PTPN4: variants seen among roughly 807,000 people sequenced by gnomAD.
PTPN4 encodes the protein tyrosine-protein phosphatase non-receptor type 4.
Under a neutral mutation model 135.5 loss-of-function variants are expected in PTPN4, and 49 were observed. The ratio of observed to expected loss-of-function variants is 0.36; its 90% CI spans 0.29 to 0.46. The LOEUF is 0.46. Ranked by LOEUF, PTPN4 falls within the 20% of genes least tolerant of loss-of-function variation. The pLI, the probability that PTPN4 is intolerant of heterozygous loss-of-function variation, is 1.00. For synonymous variants in PTPN4, 333 were observed against 369.9 expected, an observed-to-expected ratio of 0.90 and a Z score of 1.14; for missense variants, 860 against 1,101.0, an observed-to-expected ratio of 0.78 and a Z score of 3.10.
intron 2 of PTPN4, among the ~76,000 whole-genome samples, chr2:119,831,733 A>G (rs1054055717): frequency 2.0e-5 from 3 of 152,164 alleles, no homozygotes; most frequent in African/African-American, 7.2e-5. Flanking sequence ...CAATCTACCT[A>G]TATCATTATA....
chr2:119,969,823 G>T (rs527695279), intron 26 of PTPN4, among the ~76,000 whole-genome samples: 21 of 152,160 alleles, frequency 1.4e-4, no homozygotes, highest in African/African-American at 4.8e-4. Flanking sequence ...CTTCCAAAGT[G>T]CTGGGATTAC....
At chr2:119,854,443 A>G (rs1469663066) in intron 2 of PTPN4, among the ~76,000 whole-genome samples, 1 of 152,164 alleles carries the variant, frequency 6.6e-6, no homozygotes, top group African/African-American at 2.4e-5. Flanking sequence ...AACTCCCGTA[A>G]TATTCCCCCC....
chr2:119,877,591 A>G lies in PTPN4; in HGVS notation c.368+49A>G, dbSNP rs562498773. 1.1e-4 allele frequency: 171 copies of G among 1,546,608 alleles called. No individual in the cohort carries two copies. In the South Asian group the frequency reaches 2.1e-3, roughly 19 times the overall value. Reference sequence around the variant, plus strand: ...TTGAAAATATTGTCAAAACTCTAATATGAAATTTTGAAATTAATTAGGCAA... The same window carrying G: ...TTGAAAATATTGTCAAAACTCTAATGTGAAATTTTGAAATTAATTAGGCAA... On this transcript the variant is annotated intron_variant, in intron 5 of 26. Transcript: ENST00000263708.
chr2:119,846,868 T>C (rs1163171821), intron 2 of PTPN4, among the ~76,000 whole-genome samples: 2 of 151,260 alleles, frequency 1.3e-5, no homozygotes, highest in Admixed American at 6.6e-5. Context: ...GAAATGTTAC[T>C]TTATATAGCT....
chr2:119,801,321 C>T (rs1011289831), intron 1 of PTPN4, among the ~76,000 whole-genome samples: 3 of 152,178 alleles, frequency 2.0e-5, no homozygotes, highest in African/African-American at 7.2e-5. Flanking sequence ...CTCCTGGCCT[C>T]AAGTGTTCTG....
chr2:119,913,125 C>T (rs1678598331), intron 10 of PTPN4, among the ~76,000 whole-genome samples: 1 of 152,074 alleles, frequency 6.6e-6, no homozygotes, highest in Non-Finnish European at 1.5e-5. Context: ...ATAACCAGTT[C>T]ACCAGTTTTT....
chr2:119,766,477 TG>T, intron 1 of PTPN4, among the ~76,000 whole-genome samples: 1 of 124,536 alleles, frequency 8.0e-6, no homozygotes, highest in African/African-American at 4.0e-5. Context: ...TGTGTGTGTG[TG>T]TGTGTCTGTG....
intron 1 of PTPN4, among the ~76,000 whole-genome samples, chr2:119,795,353 G>C (rs1691233630): frequency 6.6e-6 from 1 of 152,224 alleles, no homozygotes; most frequent in South Asian, 2.1e-4. Context: ...CCTGACTCCT[G>C]CCACCGTTCA....
At chr2:119,765,754 T>C (rs967490075) in intron 1 of PTPN4, among the ~76,000 whole-genome samples, 3 of 152,188 alleles carry the variant, frequency 2.0e-5, no homozygotes, top group Non-Finnish European at 2.9e-5. Flanking sequence ...GAATATGGTC[T>C]TGGAGGATCA....
intron 3 of PTPN4, among the ~76,000 whole-genome samples, chr2:119,876,544 A>T (rs1170368823): frequency 1.3e-5 from 2 of 152,104 alleles, no homozygotes; most frequent in Non-Finnish European, 2.9e-5. Flanking sequence ...ATAAATAATG[A>T]TACATAAACT....
At chr2:119,907,937 T>TA (rs1413098019) in intron 10 of PTPN4, among the ~76,000 whole-genome samples, 1 of 152,066 alleles carries the variant, frequency 6.6e-6, no homozygotes, top group African/African-American at 2.4e-5. Context: ...TCTCAGTATA[T>TA]AAAAAATCAG....
chr2:119,822,680 G>A (rs908214079), intron 2 of PTPN4, among the ~76,000 whole-genome samples: 2 of 152,034 alleles, frequency 1.3e-5, no homozygotes, highest in Non-Finnish European at 2.9e-5. Context: ...CTCTTTAGCC[G>A]ATATCTTCTC....
chr2:119,883,601 A>G (rs1404158036), intron 8 of PTPN4, among the ~76,000 whole-genome samples: 1 of 152,226 alleles, frequency 6.6e-6, no homozygotes, highest in Admixed American at 6.5e-5. Flanking sequence ...AGTGTTGCGT[A>G]TTGGCTAAGA....
chr2:119,851,504 T>C (rs1677590756), intron 2 of PTPN4, among the ~76,000 whole-genome samples: 2 of 152,206 alleles, frequency 1.3e-5, no homozygotes, highest in South Asian at 2.1e-4. Flanking sequence ...CATGATTCTT[T>C]CCTTACGGTG....
chr2:119,861,855 ATAGAAT>A (rs2104987376), intron 2 of PTPN4, among the ~76,000 whole-genome samples: 2 of 152,286 alleles, frequency 1.3e-5, no homozygotes, highest in South Asian at 4.1e-4. Context: ...TGCCTACATG[ATAGAAT>A]TAGTATGAGG....
intron 9 of PTPN4, 69 bp from the exon 10 acceptor site, chr2:119,900,649 T>C: frequency 1.0e-6 from 1 of 1,000,150 alleles, no homozygotes; most frequent in Non-Finnish European, 1.4e-6. Context: ...AGAATCCTAT[T>C]TTTAAAATAT....
chr2:119,972,258 A>T (rs1341285330), intron 26 of PTPN4, among the ~76,000 whole-genome samples: 4 of 151,818 alleles, frequency 2.6e-5, no homozygotes, highest in Non-Finnish European at 5.9e-5. Context: ...CATAATAGTG[A>T]TATCACATCT....
At chr2:119,897,007 G>A (rs747374699) in intron 9 of PTPN4, among the ~76,000 whole-genome samples, 3 of 152,080 alleles carry the variant, frequency 2.0e-5, no homozygotes, top group Admixed American at 6.6e-5. Flanking sequence ...TGCAACCTTC[G>A]CCTCCTGGGT....
rs567799682 is a variant in PTPN4 at position 119,781,249 on chromosome 2, T to C, written c.-18+20865T>C. Among the ~76,000 whole-genome samples the C allele has an allele frequency of 1.1e-3, 169 of 152,278 alleles. 1 individual carries two copies. Among genetic ancestry groups the C allele is most frequent in the South Asian group, 5.2e-3 (25 of 4,820 alleles). On this transcript the variant is annotated intron_variant, in intron 1 of 26. Coordinates refer to ENST00000263708, the MANE Select transcript of PTPN4 (RefSeq NM_002830.4). The stretch of plus-strand genomic sequence containing the variant: ...TCTCCAGAGTCCTAATTTCTTTTAG[T>C]GAGGAATAGTATATAGTAGGTTAAG...
Sources: allele counts gnomAD v4.1 joint callset (sites outside exome capture counted in the v4.1 genomes callset), GRCh38; gene constraint gnomAD v4.1.1; transcripts MANE v1.5; gene names NCBI Gene and HGNC (gene_info 2026-07-23, HGNC 2026-07-21).